Variants in ATP9B observed in about 807,000 individuals in gnomAD.
ATP9B encodes the protein ATPase phospholipid transporting 9B, also known as probable phospholipid-transporting ATPase IIB.
Under a neutral mutation model 146.1 loss-of-function variants are expected in ATP9B, and 110 were observed. The ratio of observed to expected loss-of-function variants is 0.75; its 90% CI spans 0.65 to 0.88. ATP9B has a LOEUF of 0.88. Among genes scored for constraint, ATP9B ranks in the 40% least tolerant of loss-of-function variants. ATP9B has a pLI of 0.00. For missense variants in ATP9B, 1,499 were observed against 1,496.4 expected (o/e 1.00, Z -0.03); for synonymous variants, 604 against 569.7 (o/e 1.06, Z -0.86).
intron 6 of ATP9B, chr18:79,146,386 G>C (rs1302351079): frequency 2.0e-4 from 21 of 106,984 alleles, no homozygotes; most frequent in East Asian, 7.8e-4. Flanking sequence ...CGGCGGTGTG[G>C]AGAGTGACTG....
intron 1 of ATP9B, among the ~76,000 whole-genome samples, chr18:79,090,420 T>C (rs1014217914): frequency 6.6e-6 from 1 of 152,234 alleles, no homozygotes. Context: ...TTTGTCTACA[T>C]CCTTGCCAGC....
intron 8 of ATP9B, among the ~76,000 whole-genome samples, chr18:79,182,259 T>G (rs2148011035): frequency 6.6e-6 from 1 of 152,290 alleles, no homozygotes. Flanking sequence ...AACTCTGTGG[T>G]CTCTGCAGGT....
At chr18:79,153,511 C>T (rs1304975005) in intron 6 of ATP9B, among the ~76,000 whole-genome samples, 1 of 152,130 alleles carries the variant, frequency 6.6e-6, no homozygotes, top group Non-Finnish European at 1.5e-5. Context: ...ATTGCAGGAC[C>T]ACAGTCCTCC....
intron 15 of ATP9B, among the ~76,000 whole-genome samples, chr18:79,317,498 G>T (rs369299846): frequency 1.3e-5 from 2 of 152,134 alleles, no homozygotes; most frequent in African/African-American, 2.4e-5. Flanking sequence ...GATTTGAACA[G>T]CTACATCACC....
intron 29 of ATP9B, among the ~76,000 whole-genome samples, chr18:79,376,623 C>T (rs1004294244): frequency 2.0e-5 from 3 of 151,888 alleles, no homozygotes; most frequent in African/African-American, 4.8e-5. Context: ...CTCCTGACCT[C>T]AGGTGATCCA....
At chr18:79,225,554 A>T (rs947154546) in intron 11 of ATP9B, among the ~76,000 whole-genome samples, 15 of 151,248 alleles carry the variant, frequency 9.9e-5, no homozygotes, top group African/African-American at 3.6e-4. Context: ...CAGTTGTAGG[A>T]CGGCCACTGT....
At chr18:79,164,115 G>C (rs768848407) in intron 7 of ATP9B, among the ~76,000 whole-genome samples, 4 of 152,016 alleles carry the variant, frequency 2.6e-5, no homozygotes, top group Non-Finnish European at 5.9e-5. Context: ...TGTAGAGATG[G>C]GGTTTTCTCG....
intron 5 of ATP9B, among the ~76,000 whole-genome samples, chr18:79,131,332 G>T (rs769093363): frequency 2.6e-5 from 4 of 152,166 alleles, no homozygotes; most frequent in Non-Finnish European, 5.9e-5. Flanking sequence ...ACATTAGAAA[G>T]ATAACCCAAT....
chr18:79,318,951 C>T (rs1312403800), intron 15 of ATP9B, among the ~76,000 whole-genome samples: 4 of 152,156 alleles, frequency 2.6e-5, no homozygotes, highest in Non-Finnish European at 5.9e-5. Context: ...TCCTTTAACT[C>T]GTGTCCTTGT....
chr18:79,157,698 C>T (rs1407617196), intron 7 of ATP9B, among the ~76,000 whole-genome samples: 3 of 152,052 alleles, frequency 2.0e-5, no homozygotes, highest in Non-Finnish European at 2.9e-5. Flanking sequence ...TATTTCTTTC[C>T]AAGTCAGTTT....
intron 1 of ATP9B, among the ~76,000 whole-genome samples, chr18:79,093,576 T>C (rs2074527628): frequency 6.6e-6 from 1 of 152,252 alleles, no homozygotes. Flanking sequence ...AGTAAATTAC[T>C]TTCAGCAAAT....
intron 8 of ATP9B, among the ~76,000 whole-genome samples, chr18:79,183,504 C>T (rs2095272725): frequency 6.6e-6 from 1 of 151,956 alleles, no homozygotes; most frequent in African/African-American, 2.4e-5. Context: ...TTTTTATTTT[C>T]TAAGTCTGTT....
chr18:79,150,581 A>G (rs1431531855), intron 6 of ATP9B, among the ~76,000 whole-genome samples: 1 of 152,232 alleles, frequency 6.6e-6, no homozygotes. Context: ...GAGGGGAAGC[A>G]AAAAGAAACA....
chr18:79,070,873 T>G lies in ATP9B; in HGVS notation c.119+1344T>G, dbSNP rs115784016. On this transcript the variant is annotated intron_variant, in intron 1 of 29. Coordinates refer to ENST00000426216, the MANE Select transcript of ATP9B (RefSeq NM_198531.5). Reference sequence around the variant, plus strand: ...GTATTAGCTTTCAACTTACCTATGTTGAATTTGAAGTGAGTTTCTTGTTGG... The same window carrying G: ...GTATTAGCTTTCAACTTACCTATGTGGAATTTGAAGTGAGTTTCTTGTTGG... Among the ~76,000 whole-genome samples, 739 of 152,330 alleles carry G rather than the reference T, an allele frequency of 4.9e-3. 5 individuals carry two copies. Among genetic ancestry groups the G allele is most frequent in the South Asian group, 0.024 (118 of 4,828 alleles).
intron 15 of ATP9B, 140 bp from the exon 16 acceptor site, chr18:79,329,001 G>A (rs1166932295): frequency 1.2e-6 from 1 of 850,942 alleles, no homozygotes; most frequent in Non-Finnish European, 1.7e-6. Context: ...ACTTAGCCGT[G>A]AAAACAAAAA....
chr18:79,323,124 C>T (rs1264031775), intron 15 of ATP9B, among the ~76,000 whole-genome samples: 1 of 151,694 alleles, frequency 6.6e-6, no homozygotes, highest in Non-Finnish European at 1.5e-5. Flanking sequence ...ATCGTTGCTT[C>T]GCGTTAGTAA....
chr18:79,276,357 C>T (rs1210932627), intron 12 of ATP9B, among the ~76,000 whole-genome samples: 2 of 152,264 alleles, frequency 1.3e-5, no homozygotes, highest in Non-Finnish European at 2.9e-5. Context: ...AGTCTTACTA[C>T]ACGGACTTAA....
chr18:79,284,753 T>C (rs1487175534), intron 13 of ATP9B, among the ~76,000 whole-genome samples: 2 of 151,964 alleles, frequency 1.3e-5, no homozygotes, highest in African/African-American at 4.8e-5. Flanking sequence ...ATATATCTCC[T>C]AATGCTATCC....
At chr18:79,360,855 GC>G (rs1174461318) in intron 26 of ATP9B, 7 of 152,202 alleles carry the variant, frequency 4.6e-5, no homozygotes, top group Non-Finnish European at 8.8e-5. Flanking sequence ...AAGCAAGACC[GC>G]TTAAGTATCT....
Sources: gnomAD v4.1 joint callset for allele counts (sites outside exome capture counted in the v4.1 genomes callset) on GRCh38, gnomAD v4.1.1 for gene constraint, MANE v1.5 for transcripts, NCBI Gene and HGNC (gene_info 2026-07-23, HGNC 2026-07-21) for gene names.